RALYL: variants seen among roughly 807,000 people sequenced by gnomAD.
The protein encoded by RALYL is RNA-binding Raly-like protein.
A neutral mutation model predicts 35.1 loss-of-function variants in RALYL; 29 were observed. The observed-to-expected ratio is 0.83, with a 90% CI of 0.61 to 1.13. The LOEUF is 1.13. Among genes scored for constraint, RALYL ranks in the 50% most tolerant of loss-of-function variants. The probability of loss-of-function intolerance (pLI) is 0.00; values close to 1 mark genes in which losing one functional copy is unlikely to be tolerated. For missense variants in RALYL, 359 were observed against 360.4 expected (o/e 1.00, Z 0.03); for synonymous variants, 120 against 127.6 (o/e 0.94, Z 0.40).
chr8:84,545,061 C>T (rs142898068), intron 2 of RALYL, among the ~76,000 whole-genome samples: 252 of 152,046 alleles, frequency 1.7e-3, no homozygotes, highest in African/African-American at 5.9e-3. Context: ...CTTTTTTTCT[C>T]CTCATGCAGT....
intron 2 of RALYL, among the ~76,000 whole-genome samples, chr8:84,654,873 A>G (rs1829649888): frequency 6.6e-6 from 1 of 151,986 alleles, no homozygotes; most frequent in Non-Finnish European, 1.5e-5. Context: ...GCTATTGTGA[A>G]TAGTGCTGCA....
intron 1 of RALYL, among the ~76,000 whole-genome samples, chr8:84,407,048 T>TCACA (rs879429303): frequency 5.7e-5 from 8 of 140,132 alleles, no homozygotes; most frequent in South Asian, 4.6e-4. Context: ...ACACACACAC[T>TCACA]CACACACACA....
chr8:84,642,673 G>A (rs543318734), intron 2 of RALYL, among the ~76,000 whole-genome samples: 56 of 152,120 alleles, frequency 3.7e-4, no homozygotes, highest in Non-Finnish European at 2.1e-4. Context: ...TGACAAACTC[G>A]GGCTAAGATG....
In RALYL at chr8:84,873,330, CA is replaced by C; in HGVS notation, c.622del (p.Thr208LeufsTer7). 6.2e-7 allele frequency: 1 copy of C among 1,602,364 alleles called. No individual in the cohort carries two copies. Among genetic ancestry groups the C allele is most frequent in the Non-Finnish European group, 8.5e-7 (1 of 1,174,262 alleles). On this transcript the variant is annotated frameshift_variant, in exon 7 of 9. Coordinates refer to ENST00000521268, the MANE Select transcript of RALYL (RefSeq NM_173848.7). LOFTEE classifies it high-confidence loss of function. ...QTIKKELTQIKTKIDSLLGRL... is the reference protein window; with the variant it reads ...QTIKKELTQIXTKIDSLLGRL... ...CCATCAAGAAAGAATTAACCCAGAT[CA>C]AAACTAAAATTGACTCCTTGCTAGG...
At chr8:84,186,125 G>A (rs1812460786) in intron 1 of RALYL, among the ~76,000 whole-genome samples, 1 of 152,148 alleles carries the variant, frequency 6.6e-6, no homozygotes, top group Non-Finnish European at 1.5e-5. Context: ...CTCTGTGAAG[G>A]AAATCCTGTT....
chr8:84,599,204 T>C (rs1319151229), intron 2 of RALYL, among the ~76,000 whole-genome samples: 1 of 152,056 alleles, frequency 6.6e-6, no homozygotes, highest in African/African-American at 2.4e-5. Flanking sequence ...TTTATTATCA[T>C]GTATCACTGA....
chr8:84,358,676 A>C lies in RALYL; in HGVS notation c.-23-170623A>C, dbSNP rs73296860. Among the ~76,000 whole-genome samples, 1,389 of 152,174 alleles carry C rather than the reference A, an allele frequency of 9.1e-3. 31 individuals carry two copies. Among genetic ancestry groups the C allele is most frequent in the African/African-American group, 0.031 (1,301 of 41,546 alleles). ...AGAAAATAAGGCACTCCTGAAGTGC[A>C]TATGTGAGAAGAATGGCTTAACTGC... is the stretch of plus-strand genomic sequence containing the variant. On this transcript the variant is annotated intron_variant, in intron 1 of 8. Coordinates refer to ENST00000521268, the MANE Select transcript of RALYL (RefSeq NM_173848.7).
intron 1 of RALYL, among the ~76,000 whole-genome samples, chr8:84,380,680 T>C (rs1354976883): frequency 6.6e-6 from 1 of 151,932 alleles, no homozygotes; most frequent in East Asian, 1.9e-4. Flanking sequence ...TGCTTGTGTC[T>C]CTTCTTATTG....
intron 1 of RALYL, among the ~76,000 whole-genome samples, chr8:84,417,990 T>C (rs2044928986): frequency 6.6e-6 from 1 of 152,194 alleles, no homozygotes; most frequent in African/African-American, 2.4e-5. Context: ...CCCTACTAAG[T>C]TGCCCAACAG....
chr8:84,886,092 C>G (rs535366094), intron 7 of RALYL, among the ~76,000 whole-genome samples: 1 of 152,080 alleles, frequency 6.6e-6, no homozygotes, highest in Admixed American at 6.6e-5. Flanking sequence ...TCAACTAGAG[C>G]TCAGAGTAAC....
chr8:84,871,202 G>A (rs1169931656), intron 6 of RALYL, among the ~76,000 whole-genome samples: 1 of 152,144 alleles, frequency 6.6e-6, no homozygotes, highest in African/African-American at 2.4e-5. Context: ...CTAGACCTGA[G>A]TCTAGACTTA....
At chr8:84,865,699 G>C (rs986801943) in intron 6 of RALYL, among the ~76,000 whole-genome samples, 1 of 152,056 alleles carries the variant, frequency 6.6e-6, no homozygotes, top group African/African-American at 2.4e-5. Context: ...TTTCTTAGTG[G>C]AAAAATTGAT....
At chr8:84,288,394 TTC>T (rs1838087451) in intron 1 of RALYL, among the ~76,000 whole-genome samples, 1 of 152,200 alleles carries the variant, frequency 6.6e-6, no homozygotes, top group Non-Finnish European at 1.5e-5. Flanking sequence ...ATTGCCGATT[TTC>T]TCTTCTTCAG....
chr8:84,664,674 T>C (rs1447408002), intron 2 of RALYL, among the ~76,000 whole-genome samples: 3 of 152,108 alleles, frequency 2.0e-5, no homozygotes, highest in Non-Finnish European at 4.4e-5. Context: ...TGAATATTGA[T>C]TTTGTATATG....
At chr8:84,364,918 TA>T (rs540132703) in intron 1 of RALYL, among the ~76,000 whole-genome samples, 5 of 152,166 alleles carry the variant, frequency 3.3e-5, no homozygotes, top group Non-Finnish European at 7.4e-5. Context: ...AGTTTAGAGA[TA>T]GTTATTTTCA....
chr8:84,287,004 T>C (rs1227147809), intron 1 of RALYL, among the ~76,000 whole-genome samples: 1 of 152,198 alleles, frequency 6.6e-6, no homozygotes, highest in Non-Finnish European at 1.5e-5. Context: ...GGACCAAACT[T>C]CTTGTGACTC....
At chr8:84,809,822 A>G (rs182373148) in intron 4 of RALYL, among the ~76,000 whole-genome samples, 141 of 152,074 alleles carry the variant, frequency 9.3e-4, no homozygotes, top group African/African-American at 2.8e-3. Flanking sequence ...GGTGTCAGTT[A>G]TAATACCTCC....
chr8:84,840,015 G>C (rs1036649927), intron 4 of RALYL, among the ~76,000 whole-genome samples: 31 of 152,030 alleles, frequency 2.0e-4, no homozygotes, highest in Non-Finnish European at 2.1e-4. Flanking sequence ...ACAAAGATGG[G>C]GAAAAAACAG....
At chr8:84,623,286 T>TA (rs1821977608) in intron 2 of RALYL, among the ~76,000 whole-genome samples, 1 of 152,180 alleles carries the variant, frequency 6.6e-6, no homozygotes, top group Admixed American at 6.5e-5. Flanking sequence ...TAATTTTAGA[T>TA]ACATCAGTCT....
Sources: allele counts gnomAD v4.1 joint callset (sites outside exome capture counted in the v4.1 genomes callset), GRCh38; gene constraint gnomAD v4.1.1; transcripts MANE v1.5; gene names NCBI Gene and HGNC (gene_info 2026-07-23, HGNC 2026-07-21).